MADD: variants seen among roughly 807,000 people sequenced by gnomAD.
The protein encoded by MADD is MAP kinase-activating death domain protein.
Under a neutral mutation model 176.7 loss-of-function variants are expected in MADD, and 109 were observed. The ratio of observed to expected loss-of-function variants is 0.62; its 90% CI spans 0.53 to 0.72. The LOEUF (loss-of-function observed/expected upper bound fraction) is 0.72. Among genes scored for constraint, MADD ranks in the 30% least tolerant of loss-of-function variants. MADD has a pLI of 0.00. For synonymous variants in MADD, 771 were observed against 771.3 expected (o/e 1.00, Z 0.01); for missense variants, 1,914 against 2,045.5 (o/e 0.94, Z 1.24).
intron 20 of MADD, among the ~76,000 whole-genome samples, chr11:47,294,415 G>A (rs1010968595): frequency 7.3e-5 from 11 of 151,244 alleles, no homozygotes; most frequent in African/African-American, 2.7e-4. Context: ...TGTAATCACA[G>A]GACTTTGGGA....
intron 15 of MADD, among the ~76,000 whole-genome samples, chr11:47,288,598 C>T (rs927658143): frequency 1.8e-4 from 27 of 152,198 alleles, no homozygotes; most frequent in Admixed American, 1.0e-3. Flanking sequence ...TGACCCCACT[C>T]CCCACAACAG....
At chr11:47,276,747 C>G (rs147179561) in exon 5 of MADD, 3 of 1,614,092 alleles carry the variant, frequency 1.9e-6, no homozygotes, top group Non-Finnish European at 1.7e-6. Flanking sequence ...GCTACAGTCC[C>G]GAGACTACAA....
At chr11:47,310,234 TAC>T (rs1396811374) in intron 25 of MADD, among the ~76,000 whole-genome samples, 1 of 151,384 alleles carries the variant, frequency 6.6e-6, no homozygotes, top group African/African-American at 2.4e-5. Context: ...CAGGCTGGAG[TAC>T]AGTGGCACGA....
chr11:47,324,754 A>T (rs1261214423), intron 30 of MADD, 177 bp downstream of exon 33: 2 of 705,476 alleles, frequency 2.8e-6, no homozygotes, highest in East Asian at 5.4e-5. Context: ...GACGTTGGCG[A>T]CCACCTGGCG....
chr11:47,314,545 T>C (rs558541103), intron 26 of MADD, among the ~76,000 whole-genome samples: 1 of 150,232 alleles, frequency 6.7e-6, no homozygotes, highest in African/African-American at 2.4e-5. Flanking sequence ...AGTTCAGAGC[T>C]GTGGTGGGCT....
exon 21 of MADD, chr11:47,295,553 A>G: frequency 6.2e-7 from 1 of 1,614,070 alleles, no homozygotes; most frequent in Non-Finnish European, 8.5e-7. Flanking sequence ...CCGCAGCTCA[A>G]GTCAGGATTC....
At position 47,319,524 on chromosome 11, in the gene MADD, A is replaced by G. The variant is rs76517678; in HGVS notation, c.4198-4147A>G. Among the ~76,000 whole-genome samples, 1,227 of 152,324 alleles carry G rather than the reference A, an allele frequency of 8.1e-3. 13 individuals are homozygous for G. The highest frequency in any genetic ancestry group is 0.028 in the African/African-American group (1,179 of 41,566). On this transcript the variant is annotated intron_variant, in intron 27 of 32. Coordinates refer to ENST00000402192, the Ensembl canonical transcript of MADD. ...AAATGTTTCAAACCGTGCCAAAGTT[A>G]AAAAATAATTAAAAGTTTTACTCAC...
chr11:47,284,083 G>A (rs2059000811), intron 10 of MADD, 95 bp from the exon 11 acceptor site: 10 of 832,146 alleles, frequency 1.2e-5, no homozygotes, highest in South Asian at 5.6e-5. Flanking sequence ...CCTTGAGTTC[G>A]GAGTGCTCCC....
chr11:47,326,611 T>G, intron 30 of MADD, 59 bp downstream of exon 34: 1 of 1,479,978 alleles, frequency 6.8e-7, no homozygotes, highest in Non-Finnish European at 9.0e-7. Context: ...TGCGTGTGGA[T>G]TCTTCTGTCC....
rs750032313 is a variant in MADD at position 47,286,465 on chromosome 11, A to G, written c.2584A>G (p.Ser862Gly). ...CTATCGGAACCACAGTACCAGCTTC[A>G]GTCTTTCAAACCTCACACTGCCCAC... The change falls in exon 15 of 33, where the codon AGT becomes GGT. Residue 862 changes from serine to glycine, a missense_variant. Ser to Gly is a moderately conservative substitution (Grantham distance 56, BLOSUM62 0). Around this residue, in one of 2 missense-constraint regions of MADD, gnomAD observed 1,767 missense variants for 1,836.0 expected, o/e 0.96. Transcript: ENST00000402192. 12 of 1,614,012 alleles carry G rather than the reference A, an allele frequency of 7.4e-6. No individual in the cohort carries two copies. In the South Asian group the frequency reaches 9.9e-5, roughly 13 times the overall value.
At chr11:47,314,557 T>C (rs2091988794) in intron 26 of MADD, among the ~76,000 whole-genome samples, 1 of 150,798 alleles carries the variant, frequency 6.6e-6, no homozygotes, top group Admixed American at 6.6e-5. Context: ...TGGTGGGCTA[T>C]GGTCATGCCA....
rs951297988 is a variant in MADD, at chr11:47,325,672, C to G, written c.4543-1066C>G. ...AGGACCATCCCAGAGAGGGGTCTAC[C>G]TAAGTGCTTTTCTGGACCACAAAGG... On this transcript the variant is annotated intron_variant, in intron 30 of 32. Coordinates refer to ENST00000402192, the Ensembl canonical transcript of MADD. The surrounding 1 kb of genome is among the most constrained non-coding windows in gnomAD (Gnocchi z 4.5). Among the ~76,000 whole-genome samples the G allele has an allele frequency of 6.6e-6, 1 of 152,250 alleles. No homozygotes were observed. The highest frequency in any genetic ancestry group is 1.5e-5 in the Non-Finnish European group (1 of 68,040).
intron 16 of MADD, 48 bp downstream of exon 17, chr11:47,289,541 TG>T: frequency 1.3e-6 from 2 of 1,511,030 alleles, no homozygotes; most frequent in Non-Finnish European, 1.8e-6. Flanking sequence ...AGAGGTGGGG[TG>T]GTTCCTCTAC....
At chr11:47,290,928 AG>A in intron 19 of MADD, 112 bp downstream of exon 20, 1 of 859,500 alleles carries the variant, frequency 1.2e-6, no homozygotes, top group Middle Eastern at 3.6e-4. Context: ...TGCTTCTTAG[AG>A]AGGGAAGGGG....
chr11:47,319,437 A>G (rs370960628), intron 27 of MADD, among the ~76,000 whole-genome samples: 1 of 152,100 alleles, frequency 6.6e-6, no homozygotes, highest in East Asian at 1.9e-4. Context: ...CCAGCCAAAG[A>G]TTTTTAAAAA....
In MADD at chr11:47,292,606, A is replaced by C. The variant is rs1214243373; in HGVS notation, c.3302-1277A>C. 1 of 1,613,940 alleles carries C rather than the reference A, an allele frequency of 6.2e-7. No homozygotes were observed. Among genetic ancestry groups the C allele is most frequent in the African/African-American group, 1.3e-5 (1 of 75,002 alleles). On this transcript the variant is annotated intron_variant, in intron 19 of 32. Coordinates refer to ENST00000402192, the Ensembl canonical transcript of MADD. ...GCTTTGGAAAAACAGAGTAAGGAACAAATGCCCTTTCCTGTTCCCAAGTCC... is the reference window on the plus strand; with the variant it reads ...GCTTTGGAAAAACAGAGTAAGGAACCAATGCCCTTTCCTGTTCCCAAGTCC...
intron 5 of MADD, 96 bp from the exon 6 acceptor site, chr11:47,278,068 AT>A: frequency 2.5e-6 from 2 of 811,636 alleles, no homozygotes; most frequent in Non-Finnish European, 4.3e-6. Flanking sequence ...TGGAAGAGGG[AT>A]TGTATCTGCA....
intron 15 of MADD, 111 bp from the exon 17 acceptor site, chr11:47,289,280 C>A (rs1191337233): frequency 8.5e-6 from 8 of 940,870 alleles, no homozygotes; most frequent in Admixed American, 1.9e-5. Flanking sequence ...GTGCTACCCT[C>A]ACCCAGCCCT....
chr11:47,286,156 A>G (rs961317385), intron 14 of MADD, among the ~76,000 whole-genome samples: 11 of 152,212 alleles, frequency 7.2e-5, no homozygotes, highest in African/African-American at 2.7e-4. Context: ...GTTAACTGCC[A>G]GCTTTCATGC....
Sources: allele counts gnomAD v4.1 joint callset (sites outside exome capture counted in the v4.1 genomes callset), GRCh38; gene constraint gnomAD v4.1.1; regional missense constraint gnomAD v4.1.1; non-coding constraint Gnocchi (gnomAD v3.1); transcripts MANE v1.5; gene names NCBI Gene and HGNC (gene_info 2026-07-23, HGNC 2026-07-21).